GALNT16: variants seen among roughly 807,000 people sequenced by gnomAD.
GALNT16 encodes the protein polypeptide N-acetylgalactosaminyltransferase 16.
A neutral mutation model predicts 76.1 loss-of-function variants in GALNT16; 40 were observed. The observed-to-expected ratio is 0.53, with a 90% CI of 0.41 to 0.68. GALNT16 has a LOEUF of 0.68. Ranked by LOEUF, GALNT16 falls within the 30% of genes least tolerant of loss-of-function variation. GALNT16 has a pLI of 0.00. For synonymous variants in GALNT16, 276 were observed against 285.2 expected, an observed-to-expected ratio of 0.97 and a Z score of 0.32; for missense variants, 621 against 731.9, an observed-to-expected ratio of 0.85 and a Z score of 1.75.
chr14:69,294,697 T>TA (rs969136753), intron 1 of GALNT16, among the ~76,000 whole-genome samples: 10 of 152,188 alleles, frequency 6.6e-5, no homozygotes, highest in African/African-American at 2.2e-4. Flanking sequence ...CAATGGAACC[T>TA]ACAATATGCA....
the GALNT16 span, among the ~76,000 whole-genome samples, chr14:69,385,152 A>G: frequency 6.6e-6 from 1 of 152,138 alleles, no homozygotes. Flanking sequence ...ATATGCCCTC[A>G]ACCTTTAGCA....
chr14:69,365,919 C>CAT, the GALNT16 span, among the ~76,000 whole-genome samples: 3 of 152,190 alleles, frequency 2.0e-5, no homozygotes, highest in African/African-American at 7.2e-5. Context: ...CCCCATAGCA[C>CAT]ATATAGTCTA....
At chr14:69,376,089 TAC>T in the GALNT16 span, among the ~76,000 whole-genome samples, 2 of 150,886 alleles carry the variant, frequency 1.3e-5, no homozygotes, top group South Asian at 2.1e-4. Flanking sequence ...CAGGCTGGAG[TAC>T]AGTGACGTGA....
At chr14:69,289,251 C>T (rs1007407639) in intron 1 of GALNT16, among the ~76,000 whole-genome samples, 30 of 152,128 alleles carry the variant, frequency 2.0e-4, no homozygotes, top group African/African-American at 6.8e-4. Flanking sequence ...TTGAGAGTGG[C>T]TGAGTCCATG....
chr14:69,343,830 A>G (rs1042047183), intron 12 of GALNT16, among the ~76,000 whole-genome samples: 7 of 152,238 alleles, frequency 4.6e-5, no homozygotes, highest in African/African-American at 1.4e-4. Context: ...GAAGTGTCTC[A>G]TAACTATCAG....
rs990192113 is a variant in GALNT16, at chr14:69,342,449, G to A, written c.1271+685G>A. Among the ~76,000 whole-genome samples, 6 of 125,908 alleles carry A rather than the reference G, an allele frequency of 4.8e-5. No homozygotes were observed. In the East Asian group the frequency reaches 1.6e-3, roughly 34 times the overall value. The allele number at this position is 125,908 out of a possible 152,430, so 82.6% of individuals were successfully genotyped here. Reference sequence around the variant, plus strand: ...AGGTGAGGGGAGGTGAGGGGAGGGAGGGAGGGAAGGTGGAAGAAGGAAGGA... The same window carrying A: ...AGGTGAGGGGAGGTGAGGGGAGGGAAGGAGGGAAGGTGGAAGAAGGAAGGA... On this transcript the variant is annotated intron_variant, in intron 12 of 14. Transcript: ENST00000448469.
chr14:69,329,747 C>T (rs1270648154), intron 6 of GALNT16, among the ~76,000 whole-genome samples: 2 of 152,096 alleles, frequency 1.3e-5, no homozygotes, highest in African/African-American at 2.4e-5. Flanking sequence ...AGGTACCTCA[C>T]ATGGCGAGAG....
intron 1 of GALNT16, among the ~76,000 whole-genome samples, chr14:69,313,262 C>T (rs535562964): frequency 2.0e-5 from 3 of 152,350 alleles, no homozygotes; most frequent in East Asian, 1.9e-4. Flanking sequence ...GCTTGATTTG[C>T]ACTGGCGAAA....
At chr14:69,371,285 ACT>A in the GALNT16 span, among the ~76,000 whole-genome samples, 3 of 151,430 alleles carry the variant, frequency 2.0e-5, no homozygotes, top group East Asian at 2.0e-4. Flanking sequence ...ATGGAGTCTC[ACT>A]CTGTCGCCAG....
At chr14:69,324,842 T>C (rs779577367) in intron 3 of GALNT16, 52 bp downstream of exon 3, 5 of 1,229,184 alleles carry the variant, frequency 4.1e-6, no homozygotes, top group African/African-American at 1.5e-5. Flanking sequence ...GGGGAGGACA[T>C]TGGGATTGGG....
intron 1 of GALNT16, among the ~76,000 whole-genome samples, chr14:69,302,633 T>C (rs1009419709): frequency 2.0e-5 from 3 of 152,160 alleles, no homozygotes; most frequent in African/African-American, 7.2e-5. Flanking sequence ...AGAAACACAA[T>C]TTGAAAGCTA....
At chr14:69,342,083 G>T (rs1451102257) in intron 12 of GALNT16, among the ~76,000 whole-genome samples, 2 of 152,100 alleles carry the variant, frequency 1.3e-5, no homozygotes, top group African/African-American at 4.8e-5. Flanking sequence ...CTCCCTTCTG[G>T]GAGTTTATCC....
chr14:69,342,632 T>C (rs1027357904), intron 12 of GALNT16, among the ~76,000 whole-genome samples: 1 of 152,116 alleles, frequency 6.6e-6, no homozygotes, highest in African/African-American at 2.4e-5. Flanking sequence ...ATTATAATCA[T>C]AGAAACTGTG....
In GALNT16 at chr14:69,272,613, C is replaced by T. The variant is rs2044419488; in HGVS notation, c.177+12146C>T. ...ACTACATGTACAGTGTTTATAAAGT[C>T]GTGTAACATCCTAGGCCTTCCCATT... is the stretch of plus-strand genomic sequence containing the variant. On this transcript the variant is annotated intron_variant, in intron 1 of 14. Coordinates refer to ENST00000448469, the MANE Select transcript of GALNT16 (RefSeq NM_001168368.2). Among the ~76,000 whole-genome samples, 3 of 152,082 alleles carry T rather than the reference C, an allele frequency of 2.0e-5. 1 individual carries two copies. The highest frequency in any genetic ancestry group is 4.1e-4 in the South Asian group (2 of 4,822).
At chr14:69,356,265 G>A (rs555145425), downstream of GALNT16, 1 of 152,368 alleles carries the variant, frequency 6.6e-6, no homozygotes, top group South Asian at 2.1e-4. Flanking sequence ...GCCATCTGAG[G>A]ACAATTTCTC....
chr14:69,299,158 G>A (rs2044811848), intron 1 of GALNT16, among the ~76,000 whole-genome samples: 2 of 152,174 alleles, frequency 1.3e-5, no homozygotes, highest in Non-Finnish European at 2.9e-5. Flanking sequence ...CTGCATCTCT[G>A]TGCTCCTAGT....
chr14:69,370,898 G>T, the GALNT16 span, among the ~76,000 whole-genome samples: 2 of 152,216 alleles, frequency 1.3e-5, no homozygotes, highest in African/African-American at 2.4e-5. Context: ...CAATGCAAAA[G>T]GCAAGATCCC....
At chr14:69,382,789 C>CAAAAAAAA in the GALNT16 span, among the ~76,000 whole-genome samples, 1 of 103,134 alleles carries the variant, frequency 9.7e-6, no homozygotes, top group African/African-American at 3.7e-5. Context: ...ACTCTATCTC[C>CAAAAAAAA]AAAAGAAAAA....
chr14:69,285,281 C>T (rs983975289), intron 1 of GALNT16, among the ~76,000 whole-genome samples: 1 of 152,138 alleles, frequency 6.6e-6, no homozygotes, highest in Non-Finnish European at 1.5e-5. Flanking sequence ...ACCTCGGCCT[C>T]TCAAAGTGCT....
Sources: allele counts gnomAD v4.1 joint callset (sites outside exome capture counted in the v4.1 genomes callset), GRCh38; gene constraint gnomAD v4.1.1; transcripts MANE v1.5; gene names NCBI Gene and HGNC (gene_info 2026-07-23, HGNC 2026-07-21).